NOX4: variants seen among roughly 807,000 people sequenced by gnomAD.
NOX4 encodes NADPH oxidase 4.
A neutral mutation model predicts 87.6 loss-of-function variants in NOX4; 69 were observed. The ratio of observed to expected loss-of-function variants is 0.79; its 90% CI spans 0.65 to 0.96. NOX4 has a LOEUF of 0.96. NOX4 is among the 40% of genes least tolerant of loss of function. The pLI, the probability that NOX4 is intolerant of heterozygous loss-of-function variation, is 0.00. For synonymous variants in NOX4, 275 were observed against 238.2 expected (o/e 1.15, Z -1.42); for missense variants, 680 against 681.5 (o/e 1.00, Z 0.02).
At chr11:89,551,777 C>T in the NOX4 span, among the ~76,000 whole-genome samples, 1 of 151,976 alleles carries the variant, frequency 6.6e-6, no homozygotes, top group Non-Finnish European at 1.5e-5. Context: ...TGTTTGAATA[C>T]CATTTTTTTT....
At chr11:89,573,861 C>T in the NOX4 span, among the ~76,000 whole-genome samples, 1 of 152,126 alleles carries the variant, frequency 6.6e-6, no homozygotes, top group African/African-American at 2.4e-5. Flanking sequence ...TGCCCTCATG[C>T]GCAGTGCCCT....
the NOX4 span, among the ~76,000 whole-genome samples, chr11:89,553,876 CTTTT>C: frequency 8.6e-5 from 12 of 139,982 alleles, no homozygotes; most frequent in African/African-American, 7.9e-5. Context: ...AAACAAACAT[CTTTT>C]TTTTTTTTTT....
At chr11:89,501,371 A>G (rs1947017283), upstream of NOX4, among the ~76,000 whole-genome samples, 1 of 152,058 alleles carries the variant, frequency 6.6e-6, no homozygotes, top group Non-Finnish European at 1.5e-5. Flanking sequence ...GCTCAGAGGT[A>G]AAGAGCGGTA....
the NOX4 span, among the ~76,000 whole-genome samples, chr11:89,518,538 TC>T: frequency 1.3e-5 from 2 of 152,114 alleles, no homozygotes; most frequent in Non-Finnish European, 2.9e-5. Context: ...ATCTGCATGT[TC>T]TTTGCAAGAG....
intron 11 of NOX4, among the ~76,000 whole-genome samples, chr11:89,376,116 T>C (rs1284105422): frequency 6.6e-6 from 1 of 152,206 alleles, no homozygotes; most frequent in Non-Finnish European, 1.5e-5. Context: ...GGTATCAATA[T>C]ATCTTCGAAT....
At chr11:89,544,112 C>T in the NOX4 span, among the ~76,000 whole-genome samples, 1 of 152,188 alleles carries the variant, frequency 6.6e-6, no homozygotes, top group South Asian at 2.1e-4. Context: ...GGTAAAATTT[C>T]AGGCTCAGGC....
At chr11:89,588,432 G>A in the NOX4 span, among the ~76,000 whole-genome samples, 9 of 152,234 alleles carry the variant, frequency 5.9e-5, no homozygotes, top group South Asian at 1.9e-3. Context: ...ATTCCAAAGT[G>A]ATGGAAACAT....
intron 2 of NOX4, among the ~76,000 whole-genome samples, chr11:89,460,917 A>C (rs1006435415): frequency 6.6e-6 from 1 of 152,246 alleles, no homozygotes; most frequent in African/African-American, 2.4e-5. Context: ...CCAAATGTCC[A>C]ACAATGATAG....
At chr11:89,528,049 A>T in the NOX4 span, among the ~76,000 whole-genome samples, 3 of 152,142 alleles carry the variant, frequency 2.0e-5, no homozygotes, top group Non-Finnish European at 4.4e-5. Context: ...ATGGGAACTC[A>T]CCTCTTGCAT....
intron 1 of NOX4, chr11:89,490,956 C>G (rs1371051275): frequency 1.5e-6 from 1 of 661,490 alleles, no homozygotes; most frequent in East Asian, 2.7e-5. Flanking sequence ...TTCCCTCTTC[C>G]TCCACATCTC....
the NOX4 span, among the ~76,000 whole-genome samples, chr11:89,578,414 C>T: frequency 6.6e-6 from 1 of 152,134 alleles, no homozygotes; most frequent in Non-Finnish European, 1.5e-5. Context: ...CCTGCCTCAG[C>T]CTCTCTAAGG....
intron 8 of NOX4, among the ~76,000 whole-genome samples, chr11:89,410,338 T>C (rs186352772): frequency 9.2e-5 from 14 of 152,300 alleles, no homozygotes; most frequent in African/African-American, 3.4e-4. Context: ...TTGTCATCTG[T>C]AATGCCTTGA....
chr11:89,557,874 G>C, the NOX4 span, among the ~76,000 whole-genome samples: 1 of 152,092 alleles, frequency 6.6e-6, no homozygotes, highest in Admixed American at 6.6e-5. Context: ...GAACTAACTT[G>C]TCTCCAAGGG....
At chr11:89,441,497 A>G (rs369964295) in intron 5 of NOX4, among the ~76,000 whole-genome samples, 178 of 152,258 alleles carry the variant, frequency 1.2e-3, no homozygotes, top group South Asian at 8.9e-3. Context: ...GAAGGAAACG[A>G]TTGATATAGT....
chr11:89,558,384 G>A, the NOX4 span, among the ~76,000 whole-genome samples: 1 of 152,068 alleles, frequency 6.6e-6, no homozygotes, highest in Non-Finnish European at 1.5e-5. Flanking sequence ...ATCTCAGTAT[G>A]TCTACTTTCA....
At chr11:89,486,852 A>G (rs776747967) in intron 2 of NOX4, among the ~76,000 whole-genome samples, 4 of 151,808 alleles carry the variant, frequency 2.6e-5, no homozygotes, top group African/African-American at 9.7e-5. Context: ...TAGTTCCACA[A>G]CTTCCCATCC....
intron 11 of NOX4, among the ~76,000 whole-genome samples, chr11:89,384,839 C>T (rs369789374): frequency 3.7e-4 from 57 of 152,140 alleles, no homozygotes; most frequent in African/African-American, 1.1e-3. Context: ...GGCTGGCCCC[C>T]GCATTATTTC....
intron 12 of NOX4, among the ~76,000 whole-genome samples, chr11:89,364,940 TAAAGA>T (rs1279587285): frequency 2.6e-5 from 4 of 152,156 alleles, no homozygotes; most frequent in Non-Finnish European, 5.9e-5. Flanking sequence ...CAAAGATACT[TAAAGA>T]AAAGACAAAA....
intron 2 of NOX4, 60 bp from the exon 3 acceptor site, chr11:89,451,955 C>T: frequency 8.8e-7 from 1 of 1,134,194 alleles, no homozygotes. Context: ...CCTGTCCTGG[C>T]TCTAGAAGCT....
Sources: gnomAD v4.1 joint callset for allele counts (sites outside exome capture counted in the v4.1 genomes callset) on GRCh38, gnomAD v4.1.1 for gene constraint, MANE v1.5 for transcripts, NCBI Gene and HGNC (gene_info 2026-07-23, HGNC 2026-07-21) for gene names.